Variants in ZNF266 observed in about 807,000 individuals in gnomAD.
ZNF266 encodes the protein zinc finger protein 1.
A neutral mutation model predicts 16.4 loss-of-function variants in ZNF266; 16 were observed. The ratio of observed to expected loss-of-function variants is 0.98; its 90% CI spans 0.66 to 1.48. The LOEUF is 1.48. Ranked by LOEUF, ZNF266 falls within the 40% of genes most tolerant of loss-of-function variation. ZNF266 has a pLI of 0.00. For synonymous variants in ZNF266, 262 were observed against 237.9 expected, an observed-to-expected ratio of 1.10 and a Z score of -0.93; for missense variants, 738 against 689.1, an observed-to-expected ratio of 1.07 and a Z score of -0.79.
Position 9,431,771 on chromosome 19 carries a change from G to A in ZNF266, c.-130+1897C>T, listed in dbSNP as rs533151454. Reference sequence around the variant, plus strand: ...ACCCAGCAAACTTCACCATCCAGTGGGCTACAGCCACACTGTGGCCAAATA... The same window carrying A: ...ACCCAGCAAACTTCACCATCCAGTGAGCTACAGCCACACTGTGGCCAAATA... On this transcript the variant is annotated intron_variant, in intron 5 of 10. Transcript: ENST00000592904. Among the ~76,000 whole-genome samples the A allele has an allele frequency of 5.9e-5, 9 of 152,218 alleles. No homozygotes were observed. In the East Asian group the frequency reaches 9.7e-4, roughly 16 times the overall value.
chr19:9,426,490 C>CAAAA (rs151086461), intron 5 of ZNF266, among the ~76,000 whole-genome samples: 1 of 145,254 alleles, frequency 6.9e-6, no homozygotes, highest in African/African-American at 2.6e-5. Flanking sequence ...AAGTCTAAGA[C>CAAAA]CAAAAAAAAA....
chr19:9,422,442 T>C lies in ZNF266; in HGVS notation c.-129-2224A>G, dbSNP rs947152754. Among the ~76,000 whole-genome samples, 38 of 152,170 alleles carry C rather than the reference T, an allele frequency of 2.5e-4. 1 individual carries two copies. The highest frequency in any genetic ancestry group is 2.2e-3 in the Admixed American group (33 of 15,260). Reference sequence around the variant, plus strand: ...TGCATCTGAGTTCTGAGGAAATGCATTGAACTACTCAAAGAATGCAAGGGT... The same window carrying C: ...TGCATCTGAGTTCTGAGGAAATGCACTGAACTACTCAAAGAATGCAAGGGT... On this transcript the variant is annotated intron_variant, in intron 5 of 10. Transcript: ENST00000592904.
At chr19:9,421,976 G>A (rs1430099686) in intron 5 of ZNF266, among the ~76,000 whole-genome samples, 2 of 151,858 alleles carry the variant, frequency 1.3e-5, no homozygotes, top group Non-Finnish European at 1.5e-5. Context: ...TCAGCCTCCC[G>A]AGTAGCTGGG....
Position 9,414,072 on chromosome 19 carries a change from G to C in ZNF266, c.1054C>G (p.Gln352Glu), listed in dbSNP as rs763848512. ...RAFTVSSCLS[Q>E]HMKIHVGEKP... is the part of the protein sequence containing the mutation. ...TCACCCACATGGATTTTCATATGTT[G>C]ACTTAAGCAAGAGGAAACAGTGAAG... The change falls in exon 11 of 11, where the codon CAA becomes GAA. Residue 352 changes from glutamine to glutamate, a missense_variant. Coordinates refer to ENST00000592904, the MANE Select transcript of ZNF266 (RefSeq NM_001370374.1). The C allele has an allele frequency of 2.2e-5, 36 of 1,612,896 alleles. No individual in the cohort carries two copies. The African/African-American group carries it at 4.6e-4, about 20-fold the overall frequency.
chr19:9,415,307 C>T (rs1429287703), intron 10 of ZNF266, among the ~76,000 whole-genome samples: 3 of 152,130 alleles, frequency 2.0e-5, no homozygotes, highest in African/African-American at 7.2e-5. Flanking sequence ...AAAAAAACAA[C>T]AATAAGTGTC....
chr19:9,418,078 C>G (rs910430794), intron 8 of ZNF266, among the ~76,000 whole-genome samples, 170 bp from the exon 9 acceptor site: 1 of 152,182 alleles, frequency 6.6e-6, no homozygotes, highest in African/African-American at 2.4e-5. Flanking sequence ...TCTCTGATCC[C>G]TGAAGCCCAA....
intron 8 of ZNF266, among the ~76,000 whole-genome samples, 191 bp downstream of exon 8, chr19:9,418,314 A>C (rs2069373022): frequency 6.6e-6 from 1 of 152,206 alleles, no homozygotes; most frequent in African/African-American, 2.4e-5. Context: ...ATACATCTCC[A>C]ACAGTGCTGG....
rs546478973 is a variant in ZNF266 at position 9,418,610 on chromosome 19, G to C, written c.130C>G (p.Leu44Val). The C allele has an allele frequency of 6.6e-7, 1 of 1,521,426 alleles. No individual in the cohort carries two copies. Among genetic ancestry groups the C allele is most frequent in the African/African-American group, 1.4e-5 (1 of 73,058 alleles). The allele number at this position is 1,521,426 out of a possible 1,614,324, so 94.2% of individuals were successfully genotyped here. ...CYQDSVTFDD[L>V]AVDFTPEEWT... ...TCTTCTGGGGTGAAGTCCACAGCCA[G>C]ATCATCAAAAGTCACTGAATCCTAA... The change falls in exon 8 of 11, where the codon CTG becomes GTG. Residue 44 changes from leucine to valine, a missense_variant. By Grantham distance (32) the Leu-to-Val change is conservative. Transcript: ENST00000592904.
Position 9,419,183 on chromosome 19 carries a change from TGATATTTTGGAGAAG to T in ZNF266, c.108+19_108+33del, listed in dbSNP as rs1430449059. Reference sequence around the variant, plus strand: ...ATGTGTCTACCTGGTGATGCAAGTATGATATTTTGGAGAAGGATATACTTCCTGCATACCTGATAA... The same window carrying T: ...ATGTGTCTACCTGGTGATGCAAGTATGATATACTTCCTGCATACCTGATAA... On this transcript the variant is annotated intron_variant, in intron 7 of 10. Coordinates refer to ENST00000592904, the MANE Select transcript of ZNF266 (RefSeq NM_001370374.1). 6.5e-6 allele frequency: 1 copy of T among 154,640 alleles called. No individual in the cohort carries two copies. The highest frequency in any genetic ancestry group is 1.9e-4 in the East Asian group (1 of 5,200). The allele number at this position is 154,640 out of a possible 1,614,324, so 9.6% of individuals were successfully genotyped here.
chr19:9,421,516 G>A (rs1337022869), intron 5 of ZNF266, among the ~76,000 whole-genome samples: 2 of 152,094 alleles, frequency 1.3e-5, no homozygotes, highest in East Asian at 1.9e-4. Flanking sequence ...AAACATGTTC[G>A]TCTCCCCATG....
chr19:9,425,315 G>A (rs2070576061), intron 5 of ZNF266, among the ~76,000 whole-genome samples: 1 of 152,180 alleles, frequency 6.6e-6, no homozygotes, highest in African/African-American at 2.4e-5. Context: ...GCCCCCGAGA[G>A]CAGCCTCCCA....
chr19:9,417,840 C>G lies in ZNF266; in HGVS notation c.304G>C (p.Gly102Arg), dbSNP rs772779929. 1.9e-6 allele frequency: 3 copies of G among 1,613,776 alleles called. No individual in the cohort carries two copies. The highest frequency in any genetic ancestry group is 1.7e-5 in the Admixed American group (1 of 59,988). ...TGTGAACACTCACCTTGGAAATCAC[C>G]TCTCTGCACTGTCCTAGACTCTTCT... is the stretch of plus-strand genomic sequence containing the variant. Reference protein sequence around the residue: ...EQEESRTVQRGDFQASEWKVQ... With the variant: ...EQEESRTVQRRDFQASEWKVQ... Residue 102 changes from glycine to arginine, a missense_variant, in exon 9 of 11, where the codon GGT becomes CGT. Gly to Arg is a moderately radical substitution (Grantham distance 125, BLOSUM62 -2). Transcript: ENST00000592904.
intron 10 of ZNF266, among the ~76,000 whole-genome samples, chr19:9,415,085 A>G (rs567670749): frequency 7.9e-5 from 12 of 152,336 alleles, no homozygotes; most frequent in African/African-American, 9.6e-5. Context: ...ACCTCAGGTC[A>G]AGAGTTCAAG....
At chr19:9,419,717 T>C (rs1012948814) in intron 6 of ZNF266, 4 of 152,038 alleles carry the variant, frequency 2.6e-5, no homozygotes, top group Middle Eastern at 3.4e-3. Flanking sequence ...CTGGCCAACA[T>C]GGTGAAACTC....
At chr19:9,426,103 C>T (rs532624446) in intron 5 of ZNF266, among the ~76,000 whole-genome samples, 17 of 152,016 alleles carry the variant, frequency 1.1e-4, no homozygotes, top group Admixed American at 2.6e-4. Flanking sequence ...GGTCTGCTAT[C>T]CCCAGGACAC....
rs1599565309 is a variant in ZNF266, at chr19:9,431,062, G to A, written c.-130+2606C>T. On this transcript the variant is annotated intron_variant, in intron 5 of 10. Transcript: ENST00000592904. ...CCAGAACACCTCTCCTCTTGGTCGG[G>A]ACAGAGCTAGAATTTACAGCCACTC... Among the ~76,000 whole-genome samples, 5 of 152,298 alleles carry A rather than the reference G, an allele frequency of 3.3e-5. No homozygotes were observed. In the East Asian group the frequency reaches 9.6e-4, roughly 29 times the overall value.
rs1464527784 is a variant in ZNF266, at chr19:9,414,461, G to A, written c.665C>T (p.Ala222Val). 1 of 1,614,074 alleles carries A rather than the reference G, an allele frequency of 6.2e-7. No individual in the cohort carries two copies. Among genetic ancestry groups the A allele is most frequent in the African/African-American group, 1.3e-5 (1 of 74,928 alleles). The change falls in exon 11 of 11, where the codon GCT becomes GTT. Residue 222 changes from alanine to valine, a missense_variant. By Grantham distance (64) the Ala-to-Val change is moderately conservative. Coordinates refer to ENST00000592904, the MANE Select transcript of ZNF266 (RefSeq NM_001370374.1). ...VCQRTCTGEK[A>V]FDCSDSGKSF... Reference sequence around the variant, plus strand: ...TTTCCCAGAGTCACTGCAATCAAAAGCTTTCTCTCCTGTGCACGTTCTCTG... The same window carrying A: ...TTTCCCAGAGTCACTGCAATCAAAAACTTTCTCTCCTGTGCACGTTCTCTG...
At position 9,413,626 on chromosome 19, in the gene ZNF266, C is replaced by A. The variant is rs748766621; in HGVS notation, c.1500G>T (p.Glu500Asp). The A allele has an allele frequency of 2.5e-6, 4 of 1,614,172 alleles. No individual in the cohort carries two copies. The highest frequency in any genetic ancestry group is 3.4e-6 in the Non-Finnish European group (4 of 1,180,014). ...LSGHLRIHTG[E>D]KPFECLECGK... ...CACATTCCAGGCACTCAAAGGGCTT[C>A]TCTCCAGTGTGAATTCTCAAATGTC... The change falls in exon 11 of 11, where the codon GAG becomes GAT. Residue 500 changes from glutamate to aspartate, a missense_variant. Physicochemically the swap from Glu to Asp is conservative, Grantham distance 45 (BLOSUM62 2). Coordinates refer to ENST00000592904, the MANE Select transcript of ZNF266 (RefSeq NM_001370374.1).
chr19:9,434,641 G>A (rs946923545), intron 3 of ZNF266, among the ~76,000 whole-genome samples, 157 bp downstream of exon 3: 1 of 152,154 alleles, frequency 6.6e-6, no homozygotes, highest in Non-Finnish European at 1.5e-5. Flanking sequence ...GGAACAAAGT[G>A]GAGAACTGTA....
Sources: allele counts gnomAD v4.1 joint callset (sites outside exome capture counted in the v4.1 genomes callset), GRCh38; gene constraint gnomAD v4.1.1; transcripts MANE v1.5; gene names NCBI Gene and HGNC (gene_info 2026-07-23, HGNC 2026-07-21).